The following TNFRSF10D variants were observed in gnomAD, a reference collection of about 807,000 sequenced individuals.
The protein encoded by TNFRSF10D is tumor necrosis factor receptor superfamily member 10D.
A neutral mutation model predicts 42.1 loss-of-function variants in TNFRSF10D; 28 were observed. That is an observed-to-expected ratio of 0.66 (90% CI 0.49 to 0.91). TNFRSF10D has a LOEUF of 0.91. Among genes scored for constraint, TNFRSF10D ranks in the 40% least tolerant of loss-of-function variants. The pLI is 0.00. For synonymous variants in TNFRSF10D, 186 were observed against 189.4 expected (o/e 0.98, Z 0.15); for missense variants, 503 against 486.1 (o/e 1.03, Z -0.33).
intron 7 of TNFRSF10D, among the ~76,000 whole-genome samples, chr8:23,138,754 G>A (rs1217311454): frequency 6.7e-6 from 1 of 150,252 alleles, no homozygotes; most frequent in African/African-American, 2.5e-5. Context: ...AAATAAAATG[G>A]CAGTCTCTAT....
Position 23,144,482 on chromosome 8 carries a change from C to G in TNFRSF10D, c.922G>C (p.Val308Leu), listed in dbSNP as rs761356073. The change falls in exon 7 of 9, where the codon GTA becomes CTA. Residue 308 changes from valine to leucine, a missense_variant. Val to Leu is a conservative substitution (Grantham distance 32). Transcript: ENST00000312584. ...CGCTGTGGCTCCTCTGGCAACTCTA[C>G]AGTCACACCTGTTAGCTCTGCCAGC... ...QELAELTGVT[V>L]ELPEEPQRLL... is the part of the protein sequence containing the mutation. 5 of 1,614,084 alleles carry G rather than the reference C, an allele frequency of 3.1e-6. No homozygotes were observed. The highest frequency in any genetic ancestry group is 4.2e-6 in the Non-Finnish European group (5 of 1,180,022).
chr8:23,135,618 G>A lies in TNFRSF10D; in HGVS notation c.*2252C>T, dbSNP rs1408771288. 4 of 209,660 alleles carry A rather than the reference G, an allele frequency of 1.9e-5. No individual in the cohort carries two copies. The highest frequency in any genetic ancestry group is 7.4e-5 in the South Asian group (1 of 13,558). The allele number at this position is 209,660 out of a possible 1,614,324, so 13.0% of individuals were successfully genotyped here. A position where few individuals can be genotyped will look rare whatever the true frequency, so the allele number is the denominator to read the frequency against. On this transcript the variant is annotated 3_prime_UTR_variant, in exon 9 of 9. Coordinates refer to ENST00000312584, the MANE Select transcript of TNFRSF10D (RefSeq NM_003840.5). Reference sequence around the variant, plus strand: ...AATATGAGGTTTCATATTTATTTTGGTCATAAACATATGAGTATTTCATAT... The same window carrying A: ...AATATGAGGTTTCATATTTATTTTGATCATAAACATATGAGTATTTCATAT...
intron 2 of TNFRSF10D, among the ~76,000 whole-genome samples, chr8:23,149,908 C>T (rs1012405446): frequency 6.6e-6 from 1 of 152,118 alleles, no homozygotes; most frequent in African/African-American, 2.4e-5. Context: ...AATACTATCC[C>T]AGAGAAAAGG....
intron 7 of TNFRSF10D, among the ~76,000 whole-genome samples, chr8:23,139,065 G>A (rs999842724): frequency 4.1e-5 from 6 of 146,992 alleles, no homozygotes; most frequent in East Asian, 3.9e-4. Flanking sequence ...TATTTTCAAC[G>A]TCATTTAAAA....
intron 7 of TNFRSF10D, among the ~76,000 whole-genome samples, chr8:23,140,233 G>T (rs1193347335): frequency 6.6e-6 from 1 of 152,118 alleles, no homozygotes; most frequent in Non-Finnish European, 1.5e-5. Context: ...AGCTTGCAGT[G>T]AGCTGAGATC....
chr8:23,160,732 A>G (rs998323474), intron 1 of TNFRSF10D, among the ~76,000 whole-genome samples: 4 of 152,184 alleles, frequency 2.6e-5, no homozygotes, highest in African/African-American at 9.7e-5. Context: ...ACTCCTGGAT[A>G]CAGGACAGAG....
At chr8:23,158,333 C>T (rs1050353028) in intron 1 of TNFRSF10D, among the ~76,000 whole-genome samples, 5 of 152,146 alleles carry the variant, frequency 3.3e-5, no homozygotes, top group South Asian at 2.1e-4. Context: ...TCTCGTCCAC[C>T]GCTAACAAAA....
intron 7 of TNFRSF10D, among the ~76,000 whole-genome samples, chr8:23,140,020 T>C (rs530654515): frequency 3.9e-5 from 6 of 152,234 alleles, no homozygotes; most frequent in East Asian, 1.9e-4. Context: ...CTGGGTACGG[T>C]GGCTCACGCC....
In TNFRSF10D at chr8:23,163,946, G is replaced by GCTCTTCGCCCCCCTAA. The variant is rs1200510719; in HGVS notation, c.-12_-11insTTAGGGGGGCGAAGAG. 4.9e-4 allele frequency: 761 copies of GCTCTTCGCCCCCCTAA among 1,545,802 alleles called. No individual in the cohort carries two copies. The African/African-American group carries it at 9.0e-3, about 18-fold the overall frequency. Reference sequence around the variant, plus strand: ...TCCCCAAAGTCCCATGAGAAGGGAGGAGGGTGGATCGAAAGCGCCAAAAAT... The same window carrying GCTCTTCGCCCCCCTAA: ...TCCCCAAAGTCCCATGAGAAGGGAGGCTCTTCGCCCCCCTAAAGGGTGGATCGAAAGCGCCAAAAAT... On this transcript the variant is annotated 5_prime_UTR_variant, in exon 1 of 9. Transcript: ENST00000312584.
intron 2 of TNFRSF10D, among the ~76,000 whole-genome samples, chr8:23,151,902 A>T (rs978941170): frequency 3.3e-5 from 5 of 152,216 alleles, no homozygotes; most frequent in Non-Finnish European, 5.9e-5. Flanking sequence ...GAGTGGCTAT[A>T]AATTCTAGCC....
intron 2 of TNFRSF10D, among the ~76,000 whole-genome samples, chr8:23,149,902 C>G (rs1480303974): frequency 4.6e-5 from 7 of 152,082 alleles, no homozygotes; most frequent in Non-Finnish European, 1.0e-4. Context: ...TGTCTTAATA[C>G]TATCCCAGAG....
chr8:23,143,758 A>G (rs1473015854), intron 7 of TNFRSF10D, among the ~76,000 whole-genome samples: 7 of 152,180 alleles, frequency 4.6e-5, no homozygotes, highest in Non-Finnish European at 8.8e-5. Flanking sequence ...CAGCATCACA[A>G]AAGAAATGGC....
intron 1 of TNFRSF10D, among the ~76,000 whole-genome samples, chr8:23,163,088 A>AAT (rs1800396528): frequency 1.1e-5 from 1 of 89,716 alleles, no homozygotes. Flanking sequence ...CGCCTGGCTA[A>AAT]CTTTTTTTTT....
At chr8:23,156,690 A>G (rs1194074466) in intron 1 of TNFRSF10D, among the ~76,000 whole-genome samples, 606 of 151,378 alleles carry the variant, frequency 4.0e-3, no homozygotes, top group African/African-American at 0.013. Flanking sequence ...TCAGTCCCTA[A>G]GTGGCCGGGA....
At chr8:23,163,021 A>C (rs1305869350) in intron 1 of TNFRSF10D, among the ~76,000 whole-genome samples, 1 of 151,184 alleles carries the variant, frequency 6.6e-6, no homozygotes, top group Non-Finnish European at 1.5e-5. Flanking sequence ...TCCCGGGTTC[A>C]AGCAGTTCTC....
chr8:23,154,737 G>A (rs1268287815), intron 2 of TNFRSF10D, 137 bp downstream of exon 2: 10 of 976,496 alleles, frequency 1.0e-5, no homozygotes, highest in Admixed American at 6.5e-5. Flanking sequence ...ACAAATACAC[G>A]ATAAGTATGT....
chr8:23,151,481 G>T (rs1383622308), intron 2 of TNFRSF10D, among the ~76,000 whole-genome samples: 1 of 152,160 alleles, frequency 6.6e-6, no homozygotes, highest in Non-Finnish European at 1.5e-5. Context: ...AAACTAGGTG[G>T]TTAAATACAT....
intron 4 of TNFRSF10D, among the ~76,000 whole-genome samples, chr8:23,146,218 G>A (rs528923144): frequency 2.6e-5 from 4 of 152,302 alleles, no homozygotes; most frequent in Middle Eastern, 3.4e-3. Flanking sequence ...GTTAGGAGGA[G>A]CCGCACTCCA....
intron 2 of TNFRSF10D, among the ~76,000 whole-genome samples, chr8:23,154,097 C>T (rs1409064052): frequency 6.2e-3 from 938 of 152,210 alleles, no homozygotes; most frequent in African/African-American, 0.019. Flanking sequence ...AGATATCATG[C>T]TAAGTGAAAT....
Sources: allele counts gnomAD v4.1 joint callset (sites outside exome capture counted in the v4.1 genomes callset), GRCh38; gene constraint gnomAD v4.1.1; transcripts MANE v1.5; gene names NCBI Gene and HGNC (gene_info 2026-07-23, HGNC 2026-07-21).